ARL1: variants seen among roughly 807,000 people sequenced by gnomAD.
ARL1 encodes ADP-ribosylation factor-like protein 1.
Under a neutral mutation model 30.1 loss-of-function variants are expected in ARL1, and 17 were observed. The observed-to-expected ratio is 0.56, with a 90% CI of 0.39 to 0.85. The LOEUF (loss-of-function observed/expected upper bound fraction) is 0.85, where lower values mean the gene tolerates loss of function less well. Ranked by LOEUF, ARL1 falls within the 40% of genes least tolerant of loss-of-function variation. The probability of loss-of-function intolerance (pLI) is 0.00; values close to 1 mark genes in which losing one functional copy is unlikely to be tolerated. For synonymous variants in ARL1, 58 were observed against 71.7 expected (o/e 0.81, Z 0.97); for missense variants, 102 against 212.6 (o/e 0.48, Z 3.24).
At chr12:101,407,566 C>T (rs1051528608) in intron 1 of ARL1, 76 bp downstream of exon 1, 149 of 1,593,564 alleles carry the variant, frequency 9.4e-5, no homozygotes, top group Non-Finnish European at 1.2e-4. Flanking sequence ...CTGGCCGGCC[C>T]CTCTCCTCCT....
rs1306137391 is a variant in ARL1 at position 101,394,172 on chromosome 12, T to G, written c.*1468A>C. On this transcript the variant is annotated 3_prime_UTR_variant, in exon 6 of 6. Transcript: ENST00000261636. ...GGGAGAAAGCAGCAGAGAATGAATA[T>G]AAGCCCGGAGAATGAACATAAATGT... 6.6e-6 allele frequency: 1 copy of G among 152,114 alleles called. No homozygotes were observed. Among genetic ancestry groups the G allele is most frequent in the Non-Finnish European group, 1.5e-5 (1 of 68,100 alleles). The allele number at this position is 152,114 out of a possible 1,614,324, so 9.4% of individuals were successfully genotyped here. A position where few individuals can be genotyped will look rare whatever the true frequency, so the allele number is the denominator to read the frequency against.
rs1408301685 is a variant in ARL1 at position 101,393,821 on chromosome 12, G to A, written c.*1819C>T. 6.6e-6 allele frequency: 1 copy of A among 152,284 alleles called. No individual in the cohort carries two copies. The highest frequency in any genetic ancestry group is 2.1e-4 in the South Asian group (1 of 4,822). The allele number at this position is 152,284 out of a possible 1,614,324, so 9.4% of individuals were successfully genotyped here. ...GTACAAGCTTTATAAGCCTCAGGCT[G>A]TAAGTGAACTTGCTTTCTGCATTTT... On this transcript the variant is annotated 3_prime_UTR_variant, in exon 6 of 6. Coordinates refer to ENST00000261636, the MANE Select transcript of ARL1 (RefSeq NM_001177.6).
chr12:101,405,586 C>G (rs191287810), intron 2 of ARL1: 278 of 217,288 alleles, frequency 1.3e-3, no homozygotes, highest in African/African-American at 5.5e-3. Flanking sequence ...TAGCAGTTTA[C>G]AAACTTTATC....
intron 2 of ARL1, among the ~76,000 whole-genome samples, chr12:101,405,190 G>A (rs1235993094): frequency 6.6e-6 from 1 of 151,862 alleles, no homozygotes; most frequent in Middle Eastern, 3.2e-3. Flanking sequence ...TATTTTTAAG[G>A]TACCAAATTA....
At chr12:101,398,875 A>G (rs1464958816) in intron 4 of ARL1, among the ~76,000 whole-genome samples, 1 of 152,242 alleles carries the variant, frequency 6.6e-6, no homozygotes, top group Non-Finnish European at 1.5e-5. Flanking sequence ...GTAAGACTTT[A>G]TAAGTCAAAT....
At position 101,395,590 on chromosome 12, in the gene ARL1, AG is replaced by A; in HGVS notation, c.*49del. The A allele has an allele frequency of 6.8e-7, 1 of 1,479,414 alleles. No homozygotes were observed. Among genetic ancestry groups the A allele is most frequent in the East Asian group, 2.3e-5 (1 of 42,716 alleles). 91.6% of individuals were successfully genotyped at this position (1,479,414 alleles called of 1,614,324 possible). On this transcript the variant is annotated 3_prime_UTR_variant, in exon 6 of 6. Coordinates refer to ENST00000261636, the MANE Select transcript of ARL1 (RefSeq NM_001177.6). ...GTGAAGTACACTTGACTGTTTCCAAAGGGAGAGAGGTGATGTAGTCTTCATT... is the reference window on the plus strand; with the variant it reads ...GTGAAGTACACTTGACTGTTTCCAAAGGAGAGAGGTGATGTAGTCTTCATT...
chr12:101,398,035 T>C (rs1367730350), intron 4 of ARL1, among the ~76,000 whole-genome samples: 2 of 152,108 alleles, frequency 1.3e-5, no homozygotes, highest in African/African-American at 4.8e-5. Flanking sequence ...TTGAATTCCT[T>C]ATATGTTCTT....
rs1279602464 is a variant in ARL1 at position 101,395,471 on chromosome 12, T to C, written c.*169A>G. ...ACATTCAGGTGATTCGATCAAATTA[T>C]CCCTCCAACTAAATACTTATTTTCC... On this transcript the variant is annotated 3_prime_UTR_variant, in exon 6 of 6. Coordinates refer to ENST00000261636, the MANE Select transcript of ARL1 (RefSeq NM_001177.6). 3.5e-6 allele frequency: 2 copies of C among 574,900 alleles called. No homozygotes were observed. Among genetic ancestry groups the C allele is most frequent in the East Asian group, 5.7e-5 (2 of 34,848 alleles). 35.6% of individuals were successfully genotyped at this position (574,900 alleles called of 1,614,324 possible).
At chr12:101,402,309 C>T (rs1018505084) in intron 3 of ARL1, among the ~76,000 whole-genome samples, 5 of 152,212 alleles carry the variant, frequency 3.3e-5, no homozygotes, top group African/African-American at 1.2e-4. Flanking sequence ...CTGCCTCAGC[C>T]TCCCAGGTAG....
At chr12:101,407,138 A>C in intron 1 of ARL1, 1 of 158,278 alleles carries the variant, frequency 6.3e-6, no homozygotes, top group Non-Finnish European at 1.4e-5. Context: ...ACAAATGCCA[A>C]ACTGGCCATA....
At chr12:101,395,701 A>G (rs772884998) in intron 5 of ARL1, 31 bp from the exon 6 acceptor site, 1 of 1,471,386 alleles carries the variant, frequency 6.8e-7, no homozygotes, top group South Asian at 1.2e-5. Context: ...GTTTTATAAA[A>G]TTAATTTTCA....
intron 4 of ARL1, among the ~76,000 whole-genome samples, chr12:101,399,509 TAAAAAAAAAAAAA>T (rs200979843): frequency 0.16 from 17,545 of 110,512 alleles, 1,410 homozygotes; most frequent in Middle Eastern, 0.28. Context: ...AGACTCTGTC[TAAAAAAAAAAAAA>T]AAAAAAAAAA....
At chr12:101,397,333 T>C (rs1462751491) in intron 4 of ARL1, among the ~76,000 whole-genome samples, 2 of 152,088 alleles carry the variant, frequency 1.3e-5, no homozygotes, top group East Asian at 1.9e-4. Context: ...GGAGGATCGC[T>C]TAAGTCCAGG....
chr12:101,399,152 T>C (rs1822775317), intron 4 of ARL1, among the ~76,000 whole-genome samples: 1 of 151,986 alleles, frequency 6.6e-6, no homozygotes, highest in Non-Finnish European at 1.5e-5. Context: ...TTTAAAACTA[T>C]TAAGTCTGCA....
Position 101,401,074 on chromosome 12 carries a change from A to G in ARL1, c.324T>C (p.Val108=), listed in dbSNP as rs1325753789. 1.9e-6 allele frequency: 3 copies of G among 1,612,508 alleles called. No individual in the cohort carries two copies. Among genetic ancestry groups the G allele is most frequent in the East Asian group, 2.2e-5 (1 of 44,874 alleles). ...DRIGISKSEL[V]AMLEEEELRK... is the part of the protein sequence containing the mutation. Reference sequence around the variant, plus strand: ...TACGTTTTCTTACCTCCAACATGGCAACTAACTCTGATTTGGAAATGCCAA... The same window carrying G: ...TACGTTTTCTTACCTCCAACATGGCGACTAACTCTGATTTGGAAATGCCAA... Residue 108 remains valine (V), a synonymous_variant, in exon 4 of 6, where the codon GTT becomes GTC. Transcript: ENST00000261636.
At chr12:101,398,719 T>C in intron 4 of ARL1, among the ~76,000 whole-genome samples, 2 of 152,156 alleles carry the variant, frequency 1.3e-5, no homozygotes, top group African/African-American at 4.8e-5. Flanking sequence ...ATTACAGGCG[T>C]GAGCCACCAC....
chr12:101,401,355 G>A, intron 3 of ARL1, 182 bp from the exon 4 acceptor site: 1 of 475,618 alleles, frequency 2.1e-6, no homozygotes, highest in East Asian at 3.6e-5. Flanking sequence ...GATAAACATT[G>A]GCTGGGCACG....
In ARL1 at chr12:101,402,871, C is replaced by T; in HGVS notation, c.218G>A (p.Ser73Asn). The T allele has an allele frequency of 6.2e-7, 1 of 1,609,944 alleles. No homozygotes were observed. Among genetic ancestry groups the T allele is most frequent in the Non-Finnish European group, 8.5e-7 (1 of 1,176,658 alleles). ...CCTGGTCTTTGTACCATACCTGATA[C>T]TTGTCTGTCCTCCTAAATCCCAGAC... ...FQVWDLGGQT[S>N]IRPYWRCYYS... The change falls in exon 3 of 6, where the codon AGT becomes AAT. Residue 73 changes from serine to asparagine, a missense_variant. Physicochemically the swap from Ser to Asn is conservative, Grantham distance 46. Transcript: ENST00000261636.
intron 3 of ARL1, among the ~76,000 whole-genome samples, chr12:101,401,662 A>AT (rs1871308774): frequency 6.7e-6 from 1 of 150,146 alleles, no homozygotes; most frequent in African/African-American, 2.5e-5. Context: ...AAAAAAAAAA[A>AT]GAATGTTGAT....
Sources: allele counts gnomAD v4.1 joint callset (sites outside exome capture counted in the v4.1 genomes callset), GRCh38; gene constraint gnomAD v4.1.1; transcripts MANE v1.5; gene names NCBI Gene and HGNC (gene_info 2026-07-23, HGNC 2026-07-21).